GLDC: variants seen among roughly 807,000 people sequenced by gnomAD.
GLDC encodes the protein glycine dehydrogenase (decarboxylating), mitochondrial.
GLDC carries 104 observed loss-of-function variants against 121.3 expected under a neutral mutation model. That is an observed-to-expected ratio of 0.86 (90% CI 0.73 to 1.01). The LOEUF is 1.01. Ranked by LOEUF, GLDC falls within the 50% of genes least tolerant of loss-of-function variation. The pLI, the probability that GLDC is intolerant of heterozygous loss-of-function variation, is 0.00. For missense variants in GLDC, 1,429 were observed against 1,306.6 expected (o/e 1.09, Z -1.44); for synonymous variants, 546 against 480.6 (o/e 1.14, Z -1.78).
chr9:6,602,376 G>A (rs10975675), intron 7 of GLDC, among the ~76,000 whole-genome samples, 171 bp from the exon 8 acceptor site: 2 of 150,498 alleles, frequency 1.3e-5, no homozygotes, highest in East Asian at 1.9e-4. Context: ...CATGATTACT[G>A]ATTTTTTTTT....
At chr9:6,596,129 G>A (rs1204698495) in intron 8 of GLDC, among the ~76,000 whole-genome samples, 1 of 152,190 alleles carries the variant, frequency 6.6e-6, no homozygotes, top group African/African-American at 2.4e-5. Context: ...CGAGGCTGAG[G>A]TAAAGAATCT....
intron 3 of GLDC, among the ~76,000 whole-genome samples, chr9:6,612,223 T>TCA (rs1302332787): frequency 6.8e-6 from 1 of 148,006 alleles, no homozygotes. Context: ...ACACACTCTC[T>TCA]CACACACACA....
Position 6,621,066 on chromosome 9 carries a change from A to G in GLDC, c.335-747T>C, listed in dbSNP as rs143675348. Among the ~76,000 whole-genome samples, 361 of 152,304 alleles carry G rather than the reference A, an allele frequency of 2.4e-3. 1 individual carries two copies. Among genetic ancestry groups the G allele is most frequent in the Non-Finnish European group, 4.2e-3 (285 of 68,020 alleles). On this transcript the variant is annotated intron_variant, in intron 2 of 24. Transcript: ENST00000321612. ...ACACCTGTGGTCCCAGATTCTTGGG[A>G]GGCTGAGGTGGAAGGATCACATGAG...
rs1373140994 is a variant in GLDC at position 6,536,119 on chromosome 9, T to C, written c.2783A>G (p.Gln928Arg). Residue 928 changes from glutamine (Q) to arginine (R), a missense_variant, in exon 23 of 25, where the codon CAG becomes CGG. Coordinates refer to ENST00000321612, the MANE Select transcript of GLDC (RefSeq NM_000170.3). ...GCCCTCCTCAATGTCAGCAATTTCC[T>C]GCCGAATGCTGATCATGGCATCACA... ...RFCDAMISIR[Q>R]EIADIEEGRI... 1 of 1,614,154 alleles carries C rather than the reference T, an allele frequency of 6.2e-7. No homozygotes were observed. The highest frequency in any genetic ancestry group is 1.7e-5 in the Admixed American group (1 of 60,026).
intron 8 of GLDC, among the ~76,000 whole-genome samples, 157 bp from the exon 9 acceptor site, chr9:6,595,276 C>G (rs1335136886): frequency 6.6e-6 from 1 of 152,190 alleles, no homozygotes; most frequent in Non-Finnish European, 1.5e-5. Flanking sequence ...AATATATAAC[C>G]TGCCTGACTA....
intron 14 of GLDC, 25 bp downstream of exon 14, chr9:6,588,376 C>A: frequency 6.4e-7 from 1 of 1,559,646 alleles, no homozygotes; most frequent in South Asian, 1.1e-5. Context: ...TGCTGAGTAT[C>A]CACTTACAGA....
At chr9:6,537,255 G>A (rs1259339849) in intron 22 of GLDC, among the ~76,000 whole-genome samples, 3 of 152,066 alleles carry the variant, frequency 2.0e-5, no homozygotes, top group Non-Finnish European at 4.4e-5. Flanking sequence ...CCGAGCTCAA[G>A]CGATCTGCCT....
At chr9:6,603,717 C>CA (rs1818668622) in intron 7 of GLDC, among the ~76,000 whole-genome samples, 5 of 128,778 alleles carry the variant, frequency 3.9e-5, no homozygotes, top group Admixed American at 3.7e-4. Context: ...TCCCCCGCTC[C>CA]TTTTTTTTCC....
At chr9:6,620,533 C>T (rs191592537) in intron 2 of GLDC, among the ~76,000 whole-genome samples, 2 of 151,328 alleles carry the variant, frequency 1.3e-5, no homozygotes, top group East Asian at 3.9e-4. Context: ...TCAAGGTTGG[C>T]CCCCCCATCA....
chr9:6,536,059 C>G lies in GLDC; in HGVS notation c.2838+5G>C, dbSNP rs386833568. 1.2e-6 allele frequency: 2 copies of G among 1,610,618 alleles called. No individual in the cohort carries two copies. The highest frequency in any genetic ancestry group is 1.7e-5 in the Admixed American group (1 of 59,996). On this transcript the variant is annotated splice_donor_5th_base_variant and intron_variant, in intron 23 of 24. Coordinates refer to ENST00000321612, the MANE Select transcript of GLDC (RefSeq NM_000170.3). ...ATTTCAAGCAATGTTCCAGGGCCTA[C>G]GCACCTTCAGCGGATTGACCCTGGG... is the stretch of plus-strand genomic sequence containing the variant.
chr9:6,537,067 A>G (rs1168585945), intron 22 of GLDC, among the ~76,000 whole-genome samples: 1 of 144,116 alleles, frequency 6.9e-6, no homozygotes, highest in Non-Finnish European at 1.5e-5. Flanking sequence ...GTCTTGCTGT[A>G]TCGCTCAGGT....
intron 2 of GLDC, among the ~76,000 whole-genome samples, chr9:6,625,794 T>G (rs1048329334): frequency 6.6e-6 from 1 of 151,808 alleles, no homozygotes; most frequent in Non-Finnish European, 1.5e-5. Flanking sequence ...AAGGTGGGGT[T>G]AACGTTTTAT....
intron 3 of GLDC, among the ~76,000 whole-genome samples, chr9:6,616,871 G>T (rs916367015): frequency 6.6e-6 from 1 of 152,126 alleles, no homozygotes; most frequent in Non-Finnish European, 1.5e-5. Context: ...GGTTATGGGG[G>T]TTTGCAGGAC....
chr9:6,639,618 T>TC, intron 2 of GLDC: 1 of 692,856 alleles, frequency 1.4e-6, no homozygotes. Flanking sequence ...CTAAACTGAG[T>TC]CCAGCTGCCT....
intron 15 of GLDC, among the ~76,000 whole-genome samples, chr9:6,576,615 T>C (rs1818070662): frequency 6.6e-6 from 1 of 152,030 alleles, no homozygotes; most frequent in Non-Finnish European, 1.5e-5. Context: ...TACAGGCCCC[T>C]GCCACCACAC....
At chr9:6,622,811 G>A (rs1485451030) in intron 2 of GLDC, 16 of 226,012 alleles carry the variant, frequency 7.1e-5, no homozygotes, top group South Asian at 2.8e-4. Context: ...GCCTCTTCCG[G>A]GCCGCCATCC....
rs189947494 is a variant in GLDC, at chr9:6,566,869, G to T, written c.1851-1440C>A. On this transcript the variant is annotated intron_variant, in intron 15 of 24. Coordinates refer to ENST00000321612, the MANE Select transcript of GLDC (RefSeq NM_000170.3). ...GGTAAGAATTTTAAAAAATGTGTAT[G>T]TTCTCCATGCCATCACCCCCATTTT... 2.1e-3 allele frequency among the ~76,000 whole-genome samples: 317 copies of T among 152,272 alleles called. 1 individual carries two copies. Among genetic ancestry groups the T allele is most frequent in the Non-Finnish European group, 3.6e-3 (245 of 68,010 alleles).
chr9:6,623,930 C>T lies in GLDC; in HGVS notation c.335-3611G>A, dbSNP rs1206269889. On this transcript the variant is annotated intron_variant, in intron 2 of 24. Transcript: ENST00000321612. The stretch of plus-strand genomic sequence containing the variant: ...ATTAGCAGTGCCTTGTAGGCGAGTC[C>T]GGCTTCAATTATGATCCTGTGCAGG... Among the ~76,000 whole-genome samples, 5 of 152,314 alleles carry T rather than the reference C, an allele frequency of 3.3e-5. No homozygotes were observed. The South Asian group carries it at 8.3e-4, about 25-fold the overall frequency.
At chr9:6,637,855 T>A (rs1819538387) in intron 2 of GLDC, among the ~76,000 whole-genome samples, 1 of 151,288 alleles carries the variant, frequency 6.6e-6, no homozygotes, top group Non-Finnish European at 1.5e-5. Flanking sequence ...ACATTAAAAA[T>A]TTTTTTTTAC....
Sources: allele counts gnomAD v4.1 joint callset (sites outside exome capture counted in the v4.1 genomes callset), GRCh38; gene constraint gnomAD v4.1.1; transcripts MANE v1.5; gene names NCBI Gene and HGNC (gene_info 2026-07-23, HGNC 2026-07-21).